CTNNB1: variants seen among roughly 807,000 people sequenced by gnomAD.
CTNNB1 encodes catenin beta 1, also known as catenin beta-1.
Under a neutral mutation model 82.5 loss-of-function variants are expected in CTNNB1, and 6 were observed. The ratio of observed to expected loss-of-function variants is 0.07; its 90% CI spans 0.04 to 0.14. CTNNB1 has a LOEUF of 0.14. Among genes scored for constraint, CTNNB1 ranks in the 10% least tolerant of loss-of-function variants. The pLI is 1.00. For missense variants in CTNNB1, 529 were observed against 980.4 expected (o/e 0.54, Z 6.15); for synonymous variants, 312 against 329.7 (o/e 0.95, Z 0.58).
At chr3:41,206,957 A>G (rs1225276299) in intron 1 of CTNNB1, among the ~76,000 whole-genome samples, 1 of 152,222 alleles carries the variant, frequency 6.6e-6, no homozygotes, top group Non-Finnish European at 1.5e-5. Context: ...ATACACTGAC[A>G]TACCGCTCTT....
intron 1 of CTNNB1, among the ~76,000 whole-genome samples, chr3:41,216,654 G>A (rs1229449989): frequency 6.6e-6 from 1 of 152,070 alleles, no homozygotes; most frequent in Admixed American, 6.5e-5. Context: ...TAGCTTTTAT[G>A]CTTAGAAACA....
rs925031738 is a variant in CTNNB1 at position 41,240,295 on chromosome 3, A to G, written c.*953A>G. Reference sequence around the variant, plus strand: ...ATTTGGGATATGTATGGGTAGGGTAAATCAGTAAGAGGTGTTATTTGGAAC... The same window carrying G: ...ATTTGGGATATGTATGGGTAGGGTAGATCAGTAAGAGGTGTTATTTGGAAC... On this transcript the variant is annotated 3_prime_UTR_variant, in exon 15 of 15. Transcript: ENST00000349496. The G allele has an allele frequency of 1.0e-5, 2 of 192,606 alleles. No homozygotes were observed. The highest frequency in any genetic ancestry group is 4.6e-5 in the African/African-American group (2 of 43,096). 11.9% of individuals were successfully genotyped at this position (192,606 alleles called of 1,614,324 possible).
chr3:41,227,312 A>G lies in CTNNB1; in HGVS notation c.1041A>G (p.Leu347=), dbSNP rs1275886762. 6.2e-6 allele frequency: 10 copies of G among 1,613,890 alleles called. No homozygotes were observed. The highest frequency in any genetic ancestry group is 1.6e-4 in the Middle Eastern group (1 of 6,076). Residue 347 remains leucine (L), a synonymous_variant, in exon 7 of 15, where the codon CTA becomes CTG. Coordinates refer to ENST00000349496, the MANE Select transcript of CTNNB1 (RefSeq NM_001904.4). ...CCACAAGCAGAGTGCTGAAGGTGCT[A>G]TCTGTCTGCTCTAGTAATAAGCCGG... is the stretch of plus-strand genomic sequence containing the variant. ...LWTTSRVLKV[L]SVCSSNKPAI... is the part of the protein sequence containing the mutation.
At chr3:41,215,424 ATTG>A (rs755727847) in intron 1 of CTNNB1, among the ~76,000 whole-genome samples, 2 of 150,808 alleles carry the variant, frequency 1.3e-5, no homozygotes, top group Non-Finnish European at 3.0e-5. Context: ...GTTATAAATA[ATTG>A]TTGTTAGCTC....
At chr3:41,204,698 T>C (rs1167180569) in intron 1 of CTNNB1, among the ~76,000 whole-genome samples, 1 of 152,238 alleles carries the variant, frequency 6.6e-6, no homozygotes, top group Non-Finnish European at 1.5e-5. Context: ...CAAGTGTTGG[T>C]GAACAAAATT....
intron 7 of CTNNB1, 109 bp downstream of exon 7, chr3:41,227,461 C>A: frequency 8.5e-7 from 1 of 1,177,378 alleles, no homozygotes; most frequent in Non-Finnish European, 1.2e-6. Context: ...AATAAATGGT[C>A]CTATTCAGTT....
Position 41,240,041 on chromosome 3 carries a change from T to TGTTAA in CTNNB1, c.*704_*708dup, listed in dbSNP as rs1252710811. 5 of 204,100 alleles carry TGTTAA rather than the reference T, an allele frequency of 2.4e-5. No individual in the cohort carries two copies. The highest frequency in any genetic ancestry group is 1.3e-4 in the Admixed American group (2 of 15,692). 12.6% of individuals were successfully genotyped at this position (204,100 alleles called of 1,614,324 possible). On this transcript the variant is annotated 3_prime_UTR_variant, in exon 15 of 15. Coordinates refer to ENST00000349496, the MANE Select transcript of CTNNB1 (RefSeq NM_001904.4). ...TAACTGTTTTTTAAGTCTCTCGTAGTGTTAAGTTATAGTGAATACTGCTAC... is the reference window on the plus strand; with the variant it reads ...TAACTGTTTTTTAAGTCTCTCGTAGTGTTAAGTTAAGTTATAGTGAATACTGCTAC...
rs2125619679 is a variant in CTNNB1, at chr3:41,224,970, T to C, written c.258T>C (p.Tyr86=). 6 of 1,614,074 alleles carry C rather than the reference T, an allele frequency of 3.7e-6. No homozygotes were observed. The highest frequency in any genetic ancestry group is 5.1e-6 in the Non-Finnish European group (6 of 1,179,972). ...QEQVADIDGQ[Y]AMTRAQRVRA... ...CTTTTCCAGATATTGATGGACAGTATGCAATGACTCGAGCTCAGAGGGTAC... is the reference window on the plus strand; with the variant it reads ...CTTTTCCAGATATTGATGGACAGTACGCAATGACTCGAGCTCAGAGGGTAC... Residue 86 remains tyrosine (Y), a synonymous_variant, in exon 4 of 15, where the codon TAT becomes TAC. Coordinates refer to ENST00000349496, the MANE Select transcript of CTNNB1 (RefSeq NM_001904.4).
rs2078356484 is a variant in CTNNB1 at position 41,233,366 on chromosome 3, C to A, written c.1107C>A (p.His369Gln). 1 of 1,614,206 alleles carries A rather than the reference C, an allele frequency of 6.2e-7. No individual in the cohort carries two copies. ...EAGGMQALGL[H>Q]LTDPSQRLVQ... ...GTGGAATGCAAGCTTTAGGACTTCA[C>A]CTGACAGATCCAAGTCAACGTCTTG... is the stretch of plus-strand genomic sequence containing the variant. The change falls in exon 8 of 15, where the codon CAC becomes CAA. Residue 369 changes from histidine to glutamine, a missense_variant. Coordinates refer to ENST00000349496, the MANE Select transcript of CTNNB1 (RefSeq NM_001904.4).
intron 7 of CTNNB1, 144 bp from the exon 8 acceptor site, chr3:41,233,197 A>C: frequency 1.3e-6 from 1 of 749,508 alleles, no homozygotes; most frequent in Non-Finnish European, 2.3e-6. Context: ...CATTCTAGAA[A>C]ATGAGAGGAA....
chr3:41,239,986 CTTTTTTTTTTTT>C lies in CTNNB1; in HGVS notation c.*658_*669del, dbSNP rs1207330730. The C allele has an allele frequency of 2.4e-4, 8 of 32,678 alleles. No homozygotes were observed. The highest frequency in any genetic ancestry group is 5.5e-3 in the South Asian group (2 of 362). 2.0% of individuals were successfully genotyped at this position (32,678 alleles called of 1,614,324 possible). ...TGACTTTGCTTGCTTTGAAGTAGCT[CTTTTTTTTTTTT>C]TTTTTTTTTTTTTGCAGTAACTGTT... On this transcript the variant is annotated 3_prime_UTR_variant, in exon 15 of 15. Coordinates refer to ENST00000349496, the MANE Select transcript of CTNNB1 (RefSeq NM_001904.4).
chr3:41,210,669 C>CT lies in CTNNB1; in HGVS notation c.-49+11010dup, dbSNP rs937377743. Among the ~76,000 whole-genome samples, 1,209 of 147,180 alleles carry CT rather than the reference C, an allele frequency of 8.2e-3. 23 individuals are homozygous for CT. The highest frequency in any genetic ancestry group is 0.027 in the African/African-American group (1,098 of 40,290). On this transcript the variant is annotated intron_variant, in intron 1 of 14. Coordinates refer to ENST00000349496, the MANE Select transcript of CTNNB1 (RefSeq NM_001904.4). Reference sequence around the variant, plus strand: ...CTACCTGTGGCTGTTTTATAGTTAACTTTTTTTTTTTAAGAAGTAACAGAA... The same window carrying CT: ...CTACCTGTGGCTGTTTTATAGTTAACTTTTTTTTTTTTAAGAAGTAACAGAA...
chr3:41,214,422 T>A (rs1651512572), intron 1 of CTNNB1, among the ~76,000 whole-genome samples: 1 of 151,984 alleles, frequency 6.6e-6, no homozygotes, highest in South Asian at 2.1e-4. Context: ...TTAAAAATCA[T>A]GCATATGTTG....
At chr3:41,234,030 T>A in intron 9 of CTNNB1, 109 bp from the exon 10 acceptor site, 2 of 1,476,690 alleles carry the variant, frequency 1.4e-6, no homozygotes, top group Non-Finnish European at 1.9e-6. Flanking sequence ...AATGTTTGTG[T>A]AGTCAGAACT....
In CTNNB1 at chr3:41,236,650, C is replaced by A. The variant is rs2078443858; in HGVS notation, c.2017C>A (p.Arg673=). 1 of 1,614,098 alleles carries A rather than the reference C, an allele frequency of 6.2e-7. No individual in the cohort carries two copies. Among genetic ancestry groups the A allele is most frequent in the Non-Finnish European group, 8.5e-7 (1 of 1,180,038 alleles). The part of the protein sequence containing the change: ...SEDKPQDYKK[R]LSVELTSSLF... ...GGACAAGCCACAAGATTACAAGAAA[C>A]GGCTTTCAGTTGAGCTGACCAGCTC... The change falls in exon 13 of 15, where the codon CGG becomes AGG. Residue 673 remains arginine (R), a synonymous_variant. Transcript: ENST00000349496.
At chr3:41,204,062 A>G (rs2077593359) in intron 1 of CTNNB1, among the ~76,000 whole-genome samples, 1 of 151,678 alleles carries the variant, frequency 6.6e-6, no homozygotes, top group Non-Finnish European at 1.5e-5. Context: ...ATGATTTTTT[A>G]CTACTTAAGA....
At chr3:41,203,016 C>T (rs1199518047) in intron 1 of CTNNB1, among the ~76,000 whole-genome samples, 1 of 145,130 alleles carries the variant, frequency 6.9e-6, no homozygotes, top group Admixed American at 7.3e-5. Context: ...ATTAGGAACC[C>T]ATTTTTAGGG....
intron 1 of CTNNB1, among the ~76,000 whole-genome samples, chr3:41,212,348 T>A (rs1302245756): frequency 6.6e-6 from 1 of 152,142 alleles, no homozygotes; most frequent in Non-Finnish European, 1.5e-5. Flanking sequence ...CTCCACTTAT[T>A]TTTCTTCTCC....
chr3:41,238,339 T>TTGCAGGATG (rs2078489923), intron 14 of CTNNB1: 1 of 445,030 alleles, frequency 2.2e-6, no homozygotes. Flanking sequence ...GATGTTACAA[T>TTGCAGGATG]TTACCTGGCT....
Sources: allele counts gnomAD v4.1 joint callset (sites outside exome capture counted in the v4.1 genomes callset), GRCh38; gene constraint gnomAD v4.1.1; transcripts MANE v1.5; gene names NCBI Gene and HGNC (gene_info 2026-07-23, HGNC 2026-07-21).